Variants in CA6 observed in about 807,000 individuals in gnomAD.
CA6 encodes the protein carbonate dehydratase VI.
Under a neutral mutation model 35.9 loss-of-function variants are expected in CA6, and 28 were observed. That is an observed-to-expected ratio of 0.78 (90% confidence interval 0.58 to 1.07). The LOEUF (loss-of-function observed/expected upper bound fraction) is 1.07. Among genes scored for constraint, CA6 ranks in the 50% least tolerant of loss-of-function variants. The probability of loss-of-function intolerance (pLI) is 0.00; values close to 1 mark genes in which losing one functional copy is unlikely to be tolerated. For missense variants in CA6, 377 were observed against 382.0 expected (o/e 0.99, Z 0.11); for synonymous variants, 148 against 152.6 (o/e 0.97, Z 0.22).
At chr1:8,970,794 C>A in intron 6 of CA6, 73 bp from the exon 7 acceptor site, 1 of 980,928 alleles carries the variant, frequency 1.0e-6, no homozygotes, top group Admixed American at 1.7e-5. Flanking sequence ...AGCCACTGCG[C>A]CGGGCCAACT....
At chr1:8,964,116 G>A (rs975368843) in intron 5 of CA6, among the ~76,000 whole-genome samples, 2 of 152,144 alleles carry the variant, frequency 1.3e-5, no homozygotes, top group African/African-American at 4.8e-5. Context: ...CAGCTGCAAC[G>A]GATGACAAAT....
intron 2 of CA6, among the ~76,000 whole-genome samples, chr1:8,950,642 G>GA (rs552142176): frequency 2.6e-5 from 4 of 152,070 alleles, no homozygotes; most frequent in Non-Finnish European, 5.9e-5. Context: ...GCTGAGGTGG[G>GA]AGGATCACTT....
rs6577545 is a variant in CA6, at chr1:8,963,513, C to G, written c.571+857C>G. On this transcript the variant is annotated intron_variant, in intron 5 of 7. Coordinates refer to ENST00000377443, the MANE Select transcript of CA6 (RefSeq NM_001215.4). This position sits in a 1 kb window ranked among gnomAD's most constrained non-coding sequence, Gnocchi z 4.1. The stretch of plus-strand genomic sequence containing the variant: ...AGCCAAACAGCTGAATGCAACTGGA[C>G]AGAAATCCATAGACATCTAACTGGT... Among the ~76,000 whole-genome samples the G allele has an allele frequency of 0.2, 30,996 of 152,082 alleles. 3,262 individuals carry two copies. Among genetic ancestry groups the G allele is most frequent in the Non-Finnish European group, 0.21 (14,506 of 67,986 alleles).
At position 8,967,486 on chromosome 1, in the gene CA6, T is replaced by C. The variant is rs188085680; in HGVS notation, c.572-173T>C. Among the ~76,000 whole-genome samples the C allele has an allele frequency of 7.4e-4, 112 of 152,204 alleles. 1 individual carries two copies. Among genetic ancestry groups the C allele is most frequent in the African/African-American group, 2.6e-3 (108 of 41,542 alleles). On this transcript the variant is annotated intron_variant, in intron 5 of 7. Coordinates refer to ENST00000377443, the MANE Select transcript of CA6 (RefSeq NM_001215.4). ...TGAGTGCGTCTATCCCCAAAGTCTC[T>C]CCTCTCAATCCCTTCCAGGAAGAAG...
chr1:8,946,331 C>G (rs933436077), intron 1 of CA6, among the ~76,000 whole-genome samples: 1 of 152,038 alleles, frequency 6.6e-6, no homozygotes, highest in Non-Finnish European at 1.5e-5. Flanking sequence ...TGCGCCCGGC[C>G]AAGAGTCCTC....
intron 4 of CA6, among the ~76,000 whole-genome samples, chr1:8,960,787 C>T (rs60702281): frequency 0.022 from 2,117 of 95,022 alleles, 39 homozygotes; most frequent in Middle Eastern, 0.042. Context: ...CACACACACA[C>T]ACATATATAT....
At chr1:8,967,575 C>T in intron 5 of CA6, 84 bp from the exon 6 acceptor site, 1 of 1,087,770 alleles carries the variant, frequency 9.2e-7, no homozygotes, top group South Asian at 1.5e-5. Flanking sequence ...GAGATTGGAA[C>T]CTGGCGAGGC....
At chr1:8,969,354 C>T (rs186818046) in intron 6 of CA6, among the ~76,000 whole-genome samples, 1 of 151,796 alleles carries the variant, frequency 6.6e-6, no homozygotes, top group East Asian at 1.9e-4. Context: ...GGGTTTAACG[C>T]ATGTTAGATA....
At chr1:8,965,198 T>G (rs575619232) in intron 5 of CA6, among the ~76,000 whole-genome samples, 80 of 152,190 alleles carry the variant, frequency 5.3e-4, no homozygotes, top group African/African-American at 1.9e-3. Context: ...GAGCTGAGAT[T>G]GTGTCGCTGC....
In CA6 at chr1:8,963,608, C is replaced by T. The variant is rs2124175688; in HGVS notation, c.571+952C>T. Among the ~76,000 whole-genome samples the T allele has an allele frequency of 6.6e-6, 1 of 152,298 alleles. No individual in the cohort carries two copies. Among genetic ancestry groups the T allele is most frequent in the East Asian group, 1.9e-4 (1 of 5,184 alleles). On this transcript the variant is annotated intron_variant, in intron 5 of 7. Transcript: ENST00000377443. This position sits in a 1 kb window ranked among gnomAD's most constrained non-coding sequence, Gnocchi z 4.1. ...ATAGGCTGGGGTGCAATGGCGCGAT[C>T]ATGGCTCAGTGCAGCCTCGACCTCT...
chr1:8,957,520 T>C (rs1417242635), intron 3 of CA6, among the ~76,000 whole-genome samples: 1 of 152,248 alleles, frequency 6.6e-6, no homozygotes, highest in Non-Finnish European at 1.5e-5. Flanking sequence ...TTTGTATTTT[T>C]AGTAGAGACG....
intron 4 of CA6, among the ~76,000 whole-genome samples, chr1:8,959,763 C>T (rs576253979): frequency 6.6e-6 from 1 of 151,772 alleles, no homozygotes; most frequent in East Asian, 2.0e-4. Context: ...AAGACCCCAT[C>T]TCTACTACAA....
intron 4 of CA6, among the ~76,000 whole-genome samples, chr1:8,962,250 A>AC (rs1202033408): frequency 2.0e-5 from 3 of 149,652 alleles, no homozygotes; most frequent in East Asian, 1.9e-4. Flanking sequence ...AAAAAAAAAA[A>AC]AACTCACAAA....
chr1:8,949,575 T>C (rs990184570), intron 2 of CA6, 133 bp downstream of exon 2: 6 of 733,648 alleles, frequency 8.2e-6, no homozygotes, highest in South Asian at 7.4e-5. Flanking sequence ...GCCTCGAACA[T>C]GAGGGTCGAA....
chr1:8,960,677 C>G lies in CA6; in HGVS notation c.501+1675C>G, dbSNP rs186503250. Among the ~76,000 whole-genome samples, 4 of 149,156 alleles carry G rather than the reference C, an allele frequency of 2.7e-5. 1 individual carries two copies. The East Asian group carries it at 7.9e-4, about 29-fold the overall frequency. ...CAATGAAATTATCCAATCTGAAAAA[C>G]AGAGAAAAAAGACAGAAGAAAAATG... On this transcript the variant is annotated intron_variant, in intron 4 of 7. Transcript: ENST00000377443.
rs112371501 is a variant in CA6, at chr1:8,949,177, CCTGGCCT to C, written c.80-71_80-65del. 8,493 of 1,086,826 alleles carry C rather than the reference CCTGGCCT, an allele frequency of 7.8e-3. 529 individuals are homozygous for C. The African/African-American group carries it at 0.13, about 16-fold the overall frequency. 67.3% of individuals were successfully genotyped at this position (1,086,826 alleles called of 1,614,324 possible). On this transcript the variant is annotated intron_variant, in intron 1 of 7. Coordinates refer to ENST00000377443, the MANE Select transcript of CA6 (RefSeq NM_001215.4). ...CTCCGTGGGTCCCCGCCCAGCAGGC[CCTGGCCT>C]CTGGCCTCTGGCCTGGTGAGGTTCC...
chr1:8,961,685 C>T (rs1639846166), intron 4 of CA6, among the ~76,000 whole-genome samples: 1 of 151,394 alleles, frequency 6.6e-6, no homozygotes, highest in South Asian at 2.1e-4. Context: ...GCCAAGAAAG[C>T]CAAATTTATG....
At chr1:8,961,192 T>G (rs1639835248) in intron 4 of CA6, among the ~76,000 whole-genome samples, 1 of 152,218 alleles carries the variant, frequency 6.6e-6, no homozygotes, top group African/African-American at 2.4e-5. Flanking sequence ...ACAAGTCATA[T>G]ATAAGGATGC....
At chr1:8,951,771 G>A (rs1569664645) in intron 2 of CA6, 1 of 689,446 alleles carries the variant, frequency 1.5e-6, no homozygotes, top group East Asian at 2.5e-5. Flanking sequence ...ACGACAGCAT[G>A]TCGGACATTA....
Sources: gnomAD v4.1 joint callset for allele counts (sites outside exome capture counted in the v4.1 genomes callset) on GRCh38, gnomAD v4.1.1 for gene constraint, Gnocchi (gnomAD v3.1) non-coding constraint, MANE v1.5 for transcripts, NCBI Gene and HGNC (gene_info 2026-07-23, HGNC 2026-07-21) for gene names.